TENM2: variants seen among roughly 807,000 people sequenced by gnomAD.
TENM2 encodes the protein teneurin-2.
Under a neutral mutation model 245.2 loss-of-function variants are expected in TENM2, and 52 were observed. That is an observed-to-expected ratio of 0.21 (90% confidence interval 0.17 to 0.27). The LOEUF (loss-of-function observed/expected upper bound fraction) is 0.27. Ranked by LOEUF, TENM2 falls within the 10% of genes least tolerant of loss-of-function variation. TENM2 has a pLI of 1.00. For synonymous variants in TENM2, 1,363 were observed against 1,438.9 expected (o/e 0.95, Z 1.19); for missense variants, 3,046 against 3,666.8 (o/e 0.83, Z 4.37).
At chr5:168,009,771 A>G (rs138003522) in intron 5 of TENM2, among the ~76,000 whole-genome samples, 3 of 152,134 alleles carry the variant, frequency 2.0e-5, no homozygotes, top group Non-Finnish European at 4.4e-5. Flanking sequence ...CTTTCTTTTT[A>G]TCTTCATCCT....
intron 1 of TENM2, among the ~76,000 whole-genome samples, chr5:167,317,001 T>C (rs554677925): frequency 2.0e-5 from 3 of 152,206 alleles, no homozygotes; most frequent in Non-Finnish European, 4.4e-5. Flanking sequence ...TATGTCTCAG[T>C]CCTCTCCTCA....
intron 7 of TENM2, among the ~76,000 whole-genome samples, chr5:168,079,317 A>C (rs1403205439): frequency 6.6e-6 from 1 of 152,222 alleles, no homozygotes; most frequent in Non-Finnish European, 1.5e-5. Flanking sequence ...TTATCAGCTT[A>C]AGGAGATTTT....
Position 167,315,815 on chromosome 5 carries a change from C to T in TENM2, c.226+30752C>T, listed in dbSNP as rs542922126. Among the ~76,000 whole-genome samples the T allele has an allele frequency of 3.3e-5, 5 of 152,102 alleles. No homozygotes were observed. In the East Asian group the frequency reaches 9.7e-4, roughly 29 times the overall value. On this transcript the variant is annotated intron_variant, in intron 1 of 28. Transcript: ENST00000518659. ...GAGTGGGCATTCTATAGAATGCAAGCAGTGGGGGTAAACAAATGCTGTTTA... is the reference window on the plus strand; with the variant it reads ...GAGTGGGCATTCTATAGAATGCAAGTAGTGGGGGTAAACAAATGCTGTTTA...
At chr5:167,704,635 T>A (rs1758383184) in intron 2 of TENM2, among the ~76,000 whole-genome samples, 1 of 151,898 alleles carries the variant, frequency 6.6e-6, no homozygotes, top group African/African-American at 2.4e-5. Context: ...CCAGAAAAAA[T>A]CAAGGAAAAA....
chr5:168,021,650 CT>C (rs1477780127), intron 5 of TENM2, among the ~76,000 whole-genome samples: 1 of 152,212 alleles, frequency 6.6e-6, no homozygotes, highest in Non-Finnish European at 1.5e-5. Context: ...ATGGCTCCCC[CT>C]GTTACAGTGC....
At chr5:167,925,326 A>G (rs1349691973) in intron 3 of TENM2, among the ~76,000 whole-genome samples, 1 of 152,240 alleles carries the variant, frequency 6.6e-6, no homozygotes, top group Non-Finnish European at 1.5e-5. Context: ...ATGTAAAACT[A>G]ACTTATGATG....
intron 3 of TENM2, among the ~76,000 whole-genome samples, chr5:167,896,305 A>G (rs1775216183): frequency 1.3e-5 from 2 of 152,244 alleles, no homozygotes; most frequent in South Asian, 2.1e-4. Flanking sequence ...GAAAGCTTGA[A>G]TAGCTAAAGG....
At chr5:168,090,589 C>T (rs754385249) in exon 8 of TENM2, 13 of 1,612,720 alleles carry the variant, frequency 8.1e-6, no homozygotes, top group Non-Finnish European at 9.3e-6. Flanking sequence ...CTTCATGGAA[C>T]GTCTGGACGG....
the TENM2 span, among the ~76,000 whole-genome samples, chr5:167,164,589 T>A: frequency 6.6e-6 from 1 of 152,180 alleles, no homozygotes. Flanking sequence ...GGCTCTTTTT[T>A]TAAGCTTCAT....
chr5:168,232,402 C>T (rs1304471452), intron 25 of TENM2: 1 of 152,142 alleles, frequency 6.6e-6, no homozygotes, highest in Non-Finnish European at 1.5e-5. Context: ...GGAGCTGAAA[C>T]CCAAGCCAGA....
intron 7 of TENM2, among the ~76,000 whole-genome samples, chr5:168,074,813 A>T (rs1009923247): frequency 6.6e-6 from 1 of 152,160 alleles, no homozygotes; most frequent in African/African-American, 2.4e-5. Context: ...TTTACTCCTC[A>T]TGCCTCCATA....
At chr5:167,706,127 T>A (rs1758503830) in intron 2 of TENM2, among the ~76,000 whole-genome samples, 1 of 146,050 alleles carries the variant, frequency 6.8e-6, no homozygotes, top group Admixed American at 6.9e-5. Flanking sequence ...ATTATACCAG[T>A]ATATATACCA....
chr5:167,140,198 TG>T, the TENM2 span, among the ~76,000 whole-genome samples: 1 of 152,202 alleles, frequency 6.6e-6, no homozygotes, highest in Non-Finnish European at 1.5e-5. Context: ...TATATATTTA[TG>T]GGGTACATGA....
chr5:167,274,428 C>T, the TENM2 span, among the ~76,000 whole-genome samples: 5 of 151,988 alleles, frequency 3.3e-5, no homozygotes, highest in African/African-American at 9.7e-5. Context: ...TGGGTTGTTT[C>T]CAGTTTGGGG....
chr5:167,188,177 C>G, the TENM2 span, among the ~76,000 whole-genome samples: 5 of 152,166 alleles, frequency 3.3e-5, no homozygotes, highest in African/African-American at 1.2e-4. Flanking sequence ...CACAAACCTA[C>G]TATATGACAC....
intron 4 of TENM2, among the ~76,000 whole-genome samples, chr5:167,953,948 A>G (rs1261069644): frequency 6.6e-6 from 1 of 152,150 alleles, no homozygotes; most frequent in Non-Finnish European, 1.5e-5. Flanking sequence ...CAAACTTTTA[A>G]TTTTATTTTC....
the TENM2 span, among the ~76,000 whole-genome samples, chr5:167,197,613 A>T: frequency 6.6e-6 from 1 of 152,080 alleles, no homozygotes; most frequent in African/African-American, 2.4e-5. Flanking sequence ...ACAATGAATA[A>T]GCTGTGTCCT....
chr5:168,060,322 G>A (rs866800941), intron 6 of TENM2, among the ~76,000 whole-genome samples: 19 of 152,318 alleles, frequency 1.2e-4, no homozygotes, highest in Middle Eastern at 3.4e-3. Context: ...GCTGAGGCAG[G>A]AGGATCACTT....
upstream of TENM2, among the ~76,000 whole-genome samples, chr5:167,281,119 T>TA (rs1771033249): frequency 6.6e-6 from 1 of 151,846 alleles, no homozygotes; most frequent in Non-Finnish European, 1.5e-5. Flanking sequence ...CAATGTTTTT[T>TA]TTTTTTTGAA....
Sources: allele counts gnomAD v4.1 joint callset (sites outside exome capture counted in the v4.1 genomes callset), GRCh38; gene constraint gnomAD v4.1.1; transcripts MANE v1.5; gene names NCBI Gene and HGNC (gene_info 2026-07-23, HGNC 2026-07-21).